The following DCC variants were observed in gnomAD, a reference collection of about 807,000 sequenced individuals.
The protein encoded by DCC is netrin receptor DCC.
In DCC, 58 loss-of-function variants were observed where a neutral mutation model predicts 172.5. The observed-to-expected ratio is 0.34, with a 90% CI of 0.27 to 0.42. The LOEUF (loss-of-function observed/expected upper bound fraction) is 0.42. Among genes scored for constraint, DCC ranks in the 10% least tolerant of loss-of-function variants. The probability of loss-of-function intolerance (pLI) is 1.00; values close to 1 mark genes in which losing one functional copy is unlikely to be tolerated. For missense variants in DCC, 1,740 were observed against 1,791.0 expected, an observed-to-expected ratio of 0.97 and a Z score of 0.51; for synonymous variants, 709 against 644.5, an observed-to-expected ratio of 1.10 and a Z score of -1.52.
intron 7 of DCC, among the ~76,000 whole-genome samples, chr18:53,121,560 G>C (rs192176976): frequency 1.6e-3 from 246 of 151,860 alleles, no homozygotes; most frequent in Non-Finnish European, 2.8e-3. Flanking sequence ...TACAGTCTCT[G>C]TTCCCCAGGA....
intron 2 of DCC, among the ~76,000 whole-genome samples, chr18:52,881,391 A>G (rs893806443): frequency 6.6e-6 from 1 of 152,054 alleles, no homozygotes; most frequent in African/African-American, 2.4e-5. Context: ...TTGGTTGCCT[A>G]TGCTTATGGG....
chr18:52,696,804 G>A (rs1434242448), intron 1 of DCC, among the ~76,000 whole-genome samples: 2 of 152,198 alleles, frequency 1.3e-5, no homozygotes, highest in Non-Finnish European at 2.9e-5. Flanking sequence ...GCCTGGAATC[G>A]AAGGCTACAA....
intron 5 of DCC, among the ~76,000 whole-genome samples, chr18:52,947,977 G>T (rs1321506936): frequency 6.6e-6 from 1 of 152,052 alleles, no homozygotes; most frequent in Non-Finnish European, 1.5e-5. Flanking sequence ...CCTCTAAAAG[G>T]TAGAAAGGCA....
chr18:53,387,142 T>G (rs1908224123), intron 16 of DCC, among the ~76,000 whole-genome samples: 1 of 152,120 alleles, frequency 6.6e-6, no homozygotes, highest in Non-Finnish European at 1.5e-5. Flanking sequence ...TTGGAAGAAA[T>G]GGTTATAAAA....
chr18:52,351,414 T>C (rs77423048), intron 1 of DCC, among the ~76,000 whole-genome samples: 5,267 of 142,366 alleles, frequency 0.037, 306 homozygotes, highest in African/African-American at 0.12. Flanking sequence ...GCAAACTACA[T>C]AGGCCACCTT....
At chr18:52,921,546 A>G (rs920142959) in intron 3 of DCC, among the ~76,000 whole-genome samples, 9 of 151,880 alleles carry the variant, frequency 5.9e-5, no homozygotes, top group African/African-American at 2.2e-4. Flanking sequence ...TAAAAATACC[A>G]AAATGAGCCA....
chr18:52,638,963 C>T (rs2034837968), intron 1 of DCC, among the ~76,000 whole-genome samples: 2 of 151,772 alleles, frequency 1.3e-5, no homozygotes, highest in South Asian at 4.1e-4. Flanking sequence ...GCCATTCTCT[C>T]TCAGACCACA....
chr18:53,462,291 G>A (rs1408027310), intron 24 of DCC, among the ~76,000 whole-genome samples: 1 of 152,084 alleles, frequency 6.6e-6, no homozygotes, highest in Admixed American at 6.6e-5. Context: ...AGCTTCATAT[G>A]TATTTACAGC....
intron 2 of DCC, among the ~76,000 whole-genome samples, chr18:52,843,790 C>G (rs2038843662): frequency 6.6e-6 from 1 of 152,244 alleles, no homozygotes; most frequent in Middle Eastern, 3.4e-3. Flanking sequence ...ACCCAGTTGT[C>G]AGGAGCAGAT....
chr18:52,916,119 A>G (rs2040035297), intron 3 of DCC, among the ~76,000 whole-genome samples: 1 of 152,156 alleles, frequency 6.6e-6, no homozygotes, highest in Admixed American at 6.6e-5. Context: ...GTGTCAACAT[A>G]GGAAAATACA....
intron 1 of DCC, among the ~76,000 whole-genome samples, chr18:52,404,037 T>C (rs573088974): frequency 6.6e-5 from 10 of 152,192 alleles, no homozygotes; most frequent in East Asian, 3.9e-4. Context: ...CAAAAGTATA[T>C]TCCAACAGGG....
intron 12 of DCC, among the ~76,000 whole-genome samples, chr18:53,290,934 T>C (rs1847562): frequency 0.13 from 20,451 of 152,098 alleles, 1,821 homozygotes; most frequent in African/African-American, 0.24. Context: ...TTTGGGAGGC[T>C]GAGGCTAGCG....
intron 1 of DCC, among the ~76,000 whole-genome samples, chr18:52,426,061 T>A (rs969313225): frequency 6.6e-6 from 1 of 152,120 alleles, no homozygotes; most frequent in Non-Finnish European, 1.5e-5. Flanking sequence ...TTTCTATTTC[T>A]AAGGCTCACC....
chr18:53,416,774 A>C (rs953364233), intron 21 of DCC, among the ~76,000 whole-genome samples: 16 of 152,300 alleles, frequency 1.1e-4, no homozygotes, highest in Non-Finnish European at 7.4e-5. Flanking sequence ...AGTTTTACAC[A>C]AAGGCAAAAT....
chr18:52,799,823 A>T (rs2037950139), intron 2 of DCC, among the ~76,000 whole-genome samples: 1 of 152,240 alleles, frequency 6.6e-6, no homozygotes, highest in South Asian at 2.1e-4. Flanking sequence ...CAATATAATA[A>T]TAATGCCTAT....
Position 53,173,495 on chromosome 18 carries a change from C to A in DCC, c.1419-5467C>A, listed in dbSNP as rs1407665692. ...CTGTCCACAGAATTTTTCATTGTCT[C>A]CAGTTAAAATTAAAAAAGGCAGGGG... On this transcript the variant is annotated intron_variant, in intron 8 of 28. Transcript: ENST00000442544. Among the ~76,000 whole-genome samples, 6 of 151,972 alleles carry A rather than the reference C, an allele frequency of 3.9e-5. No homozygotes were observed. In the East Asian group the frequency reaches 9.7e-4, roughly 25 times the overall value.
chr18:53,059,433 G>C (rs1599081564), intron 5 of DCC, among the ~76,000 whole-genome samples: 1 of 152,100 alleles, frequency 6.6e-6, no homozygotes, highest in African/African-American at 2.4e-5. Context: ...AGTTTAACAA[G>C]TAAGCAGTAA....
intron 1 of DCC, among the ~76,000 whole-genome samples, chr18:52,392,189 T>C (rs567229597): frequency 2.6e-5 from 4 of 152,274 alleles, no homozygotes; most frequent in African/African-American, 4.8e-5. Context: ...GATGAATAGA[T>C]GGCTCATAGA....
chr18:52,953,488 G>A (rs2040691793), intron 5 of DCC, among the ~76,000 whole-genome samples: 3 of 152,200 alleles, frequency 2.0e-5, no homozygotes, highest in Admixed American at 6.5e-5. Context: ...TGCTAGTGGA[G>A]TCCTTTGGAC....
Sources: gnomAD v4.1 joint callset for allele counts (sites outside exome capture counted in the v4.1 genomes callset) on GRCh38, gnomAD v4.1.1 for gene constraint, MANE v1.5 for transcripts, NCBI Gene and HGNC (gene_info 2026-07-23, HGNC 2026-07-21) for gene names.